The following CLDN16 variants were observed in gnomAD, a reference collection of about 807,000 sequenced individuals.
The protein encoded by CLDN16 is claudin 16, also known as claudin-16.
Under a neutral mutation model 24.6 loss-of-function variants are expected in CLDN16, and 13 were observed. The ratio of observed to expected loss-of-function variants is 0.53; its 90% CI spans 0.34 to 0.84. The LOEUF is 0.84. Ranked by LOEUF, CLDN16 falls within the 40% of genes least tolerant of loss-of-function variation. The probability of loss-of-function intolerance (pLI) is 0.01; values close to 1 mark genes in which losing one functional copy is unlikely to be tolerated. For synonymous variants in CLDN16, 116 were observed against 106.7 expected (o/e 1.09, Z -0.54); for missense variants, 298 against 292.7 (o/e 1.02, Z -0.13).
chr3:190,339,396 T>A (rs1164847260), intron 1 of CLDN16, among the ~76,000 whole-genome samples: 1 of 152,166 alleles, frequency 6.6e-6, no homozygotes, highest in Non-Finnish European at 1.5e-5. Flanking sequence ...TGGTTTCCTG[T>A]CACAATCCTG....
chr3:190,312,211 G>A, the CLDN16 span, among the ~76,000 whole-genome samples: 3 of 151,824 alleles, frequency 2.0e-5, no homozygotes, highest in Non-Finnish European at 2.9e-5. Flanking sequence ...GATTACAGGC[G>A]TGAACCACCA....
upstream of CLDN16, chr3:190,322,489 C>T (rs528965908): frequency 1.1e-5 from 5 of 450,486 alleles, no homozygotes; most frequent in Non-Finnish European, 2.0e-5. Flanking sequence ...CTCCGCCCGC[C>T]TCAGCCCCGG....
intron 1 of CLDN16, among the ~76,000 whole-genome samples, chr3:190,343,829 A>T (rs74714804): frequency 0.039 from 5,953 of 152,148 alleles, 389 homozygotes; most frequent in African/African-American, 0.13. Flanking sequence ...GGGGGAGAAA[A>T]TGGGAAGATA....
At chr3:190,315,834 G>A in the CLDN16 span, among the ~76,000 whole-genome samples, 3 of 152,100 alleles carry the variant, frequency 2.0e-5, no homozygotes, top group Non-Finnish European at 4.4e-5. Context: ...GTCTTCAAGA[G>A]AAGTCTAACT....
At chr3:190,358,968 AT>A (rs1226848286) in intron 1 of CLDN16, among the ~76,000 whole-genome samples, 1 of 151,960 alleles carries the variant, frequency 6.6e-6, no homozygotes, top group Admixed American at 6.6e-5. Flanking sequence ...CTAATTTATT[AT>A]TTTTTTAAAG....
intron 1 of CLDN16, among the ~76,000 whole-genome samples, chr3:190,335,843 T>G (rs1405513009): frequency 6.6e-6 from 1 of 152,154 alleles, no homozygotes; most frequent in East Asian, 1.9e-4. Flanking sequence ...TGACAGTTAT[T>G]GCTAGAAATT....
At chr3:190,395,540 A>T (rs1482962591) in intron 1 of CLDN16, among the ~76,000 whole-genome samples, 1 of 152,056 alleles carries the variant, frequency 6.6e-6, no homozygotes, top group Admixed American at 6.6e-5. Flanking sequence ...AATGTTTCCA[A>T]TTTTAGTAGT....
intron 3 of CLDN16, among the ~76,000 whole-genome samples, chr3:190,407,483 G>A (rs900469456): frequency 6.6e-6 from 1 of 152,182 alleles, no homozygotes; most frequent in Non-Finnish European, 1.5e-5. Flanking sequence ...GCTAGGCATT[G>A]AGCATGTGGA....
At chr3:190,344,524 T>G (rs938119655) in intron 1 of CLDN16, among the ~76,000 whole-genome samples, 2 of 152,006 alleles carry the variant, frequency 1.3e-5, no homozygotes, top group Non-Finnish European at 2.9e-5. Flanking sequence ...CATACTGTAT[T>G]ACATACTATG....
At chr3:190,383,961 C>G (rs908590379), upstream of CLDN16, among the ~76,000 whole-genome samples, 4 of 152,264 alleles carry the variant, frequency 2.6e-5, no homozygotes, top group South Asian at 8.3e-4. Flanking sequence ...TTTTCACAGC[C>G]ATTTTATGGG....
chr3:190,333,253 G>C (rs1354263974), intron 1 of CLDN16, among the ~76,000 whole-genome samples: 1 of 152,034 alleles, frequency 6.6e-6, no homozygotes, highest in Non-Finnish European at 1.5e-5. Context: ...CTCAGGTTTA[G>C]GAACTCTAAG....
intron 1 of CLDN16, among the ~76,000 whole-genome samples, chr3:190,323,475 C>G (rs1716990354): frequency 6.6e-6 from 1 of 152,170 alleles, no homozygotes; most frequent in South Asian, 2.1e-4. Flanking sequence ...TTCTCCAAAG[C>G]TTCCTTCTTT....
chr3:190,338,756 CCAACT>C (rs747886987), intron 1 of CLDN16, among the ~76,000 whole-genome samples: 14 of 152,170 alleles, frequency 9.2e-5, no homozygotes, highest in Non-Finnish European at 1.5e-4. Flanking sequence ...GAAATTGAGA[CCAACT>C]CAAATTCTGA....
At chr3:190,400,132 C>G (rs945874668) in intron 1 of CLDN16, among the ~76,000 whole-genome samples, 6 of 152,134 alleles carry the variant, frequency 3.9e-5, no homozygotes. Context: ...ACTTATTCCT[C>G]TTATCTAGCT....
chr3:190,378,598 G>A (rs764457569), intron 3 of CLDN16, among the ~76,000 whole-genome samples: 1 of 152,068 alleles, frequency 6.6e-6, no homozygotes, highest in Non-Finnish European at 1.5e-5. Flanking sequence ...CTATTCAATG[G>A]TAGATGAGTT....
rs774739453 is a variant in CLDN16, at chr3:190,411,873, T to G, written c.*1837T>G. 1 of 152,202 alleles carries G rather than the reference T, an allele frequency of 6.6e-6. No individual in the cohort carries two copies. Among genetic ancestry groups the G allele is most frequent in the African/African-American group, 2.4e-5 (1 of 41,474 alleles). The allele number at this position is 152,202 out of a possible 1,614,324, so 9.4% of individuals were successfully genotyped here. ...ATGCATTTTAAAATTAATTTTGTGT[T>G]GTTCCTCTCAATATTTGTTTTTAAC... On this transcript the variant is annotated 3_prime_UTR_variant, in exon 5 of 5. Coordinates refer to ENST00000264734, the MANE Select transcript of CLDN16 (RefSeq NM_006580.4).
chr3:190,390,522 G>C (rs1304122925), intron 1 of CLDN16, among the ~76,000 whole-genome samples: 1 of 143,636 alleles, frequency 7.0e-6, no homozygotes, highest in Non-Finnish European at 1.5e-5. Context: ...GACAGAGCGA[G>C]ACTCCATCTT....
chr3:190,379,975 GTCTATCTATCTA>G (rs34203533), intron 3 of CLDN16, among the ~76,000 whole-genome samples: 8 of 149,102 alleles, frequency 5.4e-5, no homozygotes, highest in South Asian at 2.2e-4. Context: ...TATCAACTCT[GTCTATCTATCTA>G]TCTATCTATC....
At chr3:190,306,549 C>T in the CLDN16 span, 1 of 152,460 alleles carries the variant, frequency 6.6e-6, no homozygotes, top group Non-Finnish European at 1.5e-5. Flanking sequence ...GTGGGAAGAT[C>T]AGGAATTACA....
Sources: allele counts gnomAD v4.1 joint callset (sites outside exome capture counted in the v4.1 genomes callset), GRCh38; gene constraint gnomAD v4.1.1; transcripts MANE v1.5; gene names NCBI Gene and HGNC (gene_info 2026-07-23, HGNC 2026-07-21).